Variants in RABGAP1L observed in about 807,000 individuals in gnomAD.
RABGAP1L encodes rab GTPase-activating protein 1-like.
Under a neutral mutation model 137.7 loss-of-function variants are expected in RABGAP1L, and 63 were observed. That is an observed-to-expected ratio of 0.46 (90% confidence interval 0.37 to 0.56). The LOEUF (loss-of-function observed/expected upper bound fraction) is 0.56. Among genes scored for constraint, RABGAP1L ranks in the 20% least tolerant of loss-of-function variants. RABGAP1L has a pLI of 0.00. For missense variants in RABGAP1L, 1,095 were observed against 1,244.0 expected (o/e 0.88, Z 1.80); for synonymous variants, 431 against 433.7 (o/e 0.99, Z 0.08).
At chr1:174,819,081 G>A (rs1277809546) in intron 19 of RABGAP1L, among the ~76,000 whole-genome samples, 1 of 151,326 alleles carries the variant, frequency 6.6e-6, no homozygotes, top group East Asian at 1.9e-4. Context: ...TACTTGATTG[G>A]CTGAAGTGGA....
At chr1:174,261,971 T>C (rs556093999) in intron 7 of RABGAP1L, among the ~76,000 whole-genome samples, 1 of 152,364 alleles carries the variant, frequency 6.6e-6, no homozygotes, top group Admixed American at 6.5e-5. Context: ...ATATTCTGCA[T>C]AACATTTTAA....
chr1:174,664,734 C>CTTTTTTTTTTTTTTTTTTTTTT (rs71701825), intron 14 of RABGAP1L, among the ~76,000 whole-genome samples: 2 of 97,576 alleles, frequency 2.0e-5, no homozygotes, highest in African/African-American at 1.0e-4. Flanking sequence ...TTTCTGCTTT[C>CTTTTTTTTTTTTTTTTTTTTTT]TTTTTTTTTT....
At chr1:174,810,728 T>C (rs913887028) in intron 18 of RABGAP1L, among the ~76,000 whole-genome samples, 1 of 152,166 alleles carries the variant, frequency 6.6e-6, no homozygotes, top group Admixed American at 6.5e-5. Flanking sequence ...CAAAGTTGTT[T>C]ATAGCTGTTT....
intron 18 of RABGAP1L, among the ~76,000 whole-genome samples, chr1:174,755,957 A>T (rs1684717313): frequency 6.6e-6 from 1 of 152,192 alleles, no homozygotes; most frequent in African/African-American, 2.4e-5. Context: ...CAATTTATCC[A>T]ATGGTCTTAG....
chr1:174,374,308 G>T (rs149217274), intron 12 of RABGAP1L, among the ~76,000 whole-genome samples: 139 of 152,176 alleles, frequency 9.1e-4, no homozygotes, highest in African/African-American at 3.2e-3. Context: ...GAGTTTATTT[G>T]TCCCTGATTC....
At chr1:174,466,309 A>G (rs1047246201) in intron 13 of RABGAP1L, among the ~76,000 whole-genome samples, 2 of 152,240 alleles carry the variant, frequency 1.3e-5, no homozygotes, top group Non-Finnish European at 2.9e-5. Context: ...AAAATGATGT[A>G]TACAGAAGAG....
chr1:174,375,081 GAGAC>G (rs1424618831), intron 12 of RABGAP1L, among the ~76,000 whole-genome samples: 1 of 152,088 alleles, frequency 6.6e-6, no homozygotes, highest in East Asian at 1.9e-4. Flanking sequence ...AAAGGAAGTA[GAGAC>G]AGACATTGGA....
intron 19 of RABGAP1L, chr1:174,874,404 C>A (rs539414880): frequency 2.2e-6 from 2 of 928,712 alleles, no homozygotes; most frequent in Non-Finnish European, 2.6e-6. Flanking sequence ...ATGACTTGCC[C>A]GGGGACGGAC....
At chr1:174,463,965 A>G (rs984350933) in intron 13 of RABGAP1L, among the ~76,000 whole-genome samples, 2 of 152,154 alleles carry the variant, frequency 1.3e-5, no homozygotes, top group African/African-American at 4.8e-5. Flanking sequence ...TATACTACAT[A>G]TTGGATTACA....
intron 19 of RABGAP1L, among the ~76,000 whole-genome samples, chr1:174,824,308 T>C (rs1278964228): frequency 2.0e-5 from 3 of 151,152 alleles, no homozygotes; most frequent in Non-Finnish European, 4.4e-5. Context: ...TATATAGATA[T>C]AGATATATAC....
chr1:174,169,993 A>G (rs1413782000), intron 1 of RABGAP1L, among the ~76,000 whole-genome samples: 2 of 152,164 alleles, frequency 1.3e-5, no homozygotes. Context: ...ACAATTTTTC[A>G]ACTTTTGGGA....
intron 13 of RABGAP1L, among the ~76,000 whole-genome samples, chr1:174,458,405 A>G (rs1439043666): frequency 1.3e-5 from 2 of 152,000 alleles, no homozygotes; most frequent in Non-Finnish European, 2.9e-5. Flanking sequence ...TGCCCTTTGT[A>G]TGCTACTCAC....
chr1:174,637,507 C>T lies in RABGAP1L; in HGVS notation c.1824+19C>T, dbSNP rs775016401. The T allele has an allele frequency of 6.6e-7, 1 of 1,511,092 alleles. No individual in the cohort carries two copies. Among genetic ancestry groups the T allele is most frequent in the Non-Finnish European group, 9.2e-7 (1 of 1,091,328 alleles). 93.6% of individuals were successfully genotyped at this position (1,511,092 alleles called of 1,614,324 possible). On this transcript the variant is annotated intron_variant, in intron 14 of 25. Transcript: ENST00000681986. ...CTGCAAGGTAGGACTCTCTTCCTCA[C>T]TTTTTCTAAATTATTTTACAGAGCT...
intron 3 of RABGAP1L, among the ~76,000 whole-genome samples, chr1:174,228,687 A>G (rs1670386227): frequency 6.6e-6 from 1 of 152,200 alleles, no homozygotes; most frequent in African/African-American, 2.4e-5. Context: ...CAAAAAAGTC[A>G]GTGGTGAAGT....
intron 1 of RABGAP1L, among the ~76,000 whole-genome samples, chr1:174,170,671 CAAAAAA>C (rs35800051): frequency 2.1e-4 from 18 of 85,356 alleles, no homozygotes; most frequent in Non-Finnish European, 3.8e-4. Flanking sequence ...GACGCTGTTT[CAAAAAA>C]AAAAAAAAAA....
At chr1:174,172,216 G>GTATA (rs869221135) in intron 1 of RABGAP1L, among the ~76,000 whole-genome samples, 2 of 127,964 alleles carry the variant, frequency 1.6e-5, no homozygotes, top group African/African-American at 6.0e-5. Context: ...GTGTGTGTGT[G>GTATA]TATATATGCC....
chr1:174,662,577 A>G (rs1337746945), intron 14 of RABGAP1L, among the ~76,000 whole-genome samples: 1 of 151,902 alleles, frequency 6.6e-6, no homozygotes, highest in Non-Finnish European at 1.5e-5. Context: ...TATTTTTAGT[A>G]GAGATGGGGT....
chr1:174,354,933 C>T (rs1182994904), intron 11 of RABGAP1L, among the ~76,000 whole-genome samples: 5 of 152,186 alleles, frequency 3.3e-5, no homozygotes, highest in African/African-American at 7.2e-5. Context: ...TTCCTCATTT[C>T]TTCTTTTTGT....
At chr1:174,634,486 G>A (rs1408623793) in intron 13 of RABGAP1L, among the ~76,000 whole-genome samples, 2 of 140,026 alleles carry the variant, frequency 1.4e-5, no homozygotes, top group African/African-American at 2.8e-5. Flanking sequence ...CGATTCCTCA[G>A]GGATCTAGAA....
Sources: allele counts gnomAD v4.1 joint callset (sites outside exome capture counted in the v4.1 genomes callset), GRCh38; gene constraint gnomAD v4.1.1; transcripts MANE v1.5; gene names NCBI Gene and HGNC (gene_info 2026-07-23, HGNC 2026-07-21).